ARHGAP23: variants seen among roughly 807,000 people sequenced by gnomAD.
The protein encoded by ARHGAP23 is Rho GTPase activating protein 23.
A neutral mutation model predicts 136.3 loss-of-function variants in ARHGAP23; 34 were observed. That is an observed-to-expected ratio of 0.25 (90% CI 0.19 to 0.33). The LOEUF (loss-of-function observed/expected upper bound fraction) is 0.33. ARHGAP23 is among the 10% of genes least tolerant of loss of function. ARHGAP23 has a pLI of 1.00. For missense variants in ARHGAP23, 1,808 were observed against 2,139.0 expected, an observed-to-expected ratio of 0.85 and a Z score of 3.05; for synonymous variants, 832 against 920.5, an observed-to-expected ratio of 0.90 and a Z score of 1.74.
intron 20 of ARHGAP23, among the ~76,000 whole-genome samples, chr17:38,492,691 C>T (rs980448514): frequency 2.6e-5 from 4 of 152,204 alleles, no homozygotes; most frequent in Non-Finnish European, 4.4e-5. Flanking sequence ...CATCTCCCTC[C>T]TTCACTGCAT....
At chr17:38,472,989 T>G (rs1187215633) in intron 11 of ARHGAP23, among the ~76,000 whole-genome samples, 1 of 152,150 alleles carries the variant, frequency 6.6e-6, no homozygotes, top group Non-Finnish European at 1.5e-5. Context: ...CAGGCTGGAG[T>G]GCAGTGGCGC....
chr17:38,509,583 T>C (rs930727081), intron 23 of ARHGAP23, among the ~76,000 whole-genome samples: 1 of 152,142 alleles, frequency 6.6e-6, no homozygotes, highest in Non-Finnish European at 1.5e-5. Context: ...CAGGGGCGTG[T>C]GTGAAACGGA....
intron 11 of ARHGAP23, among the ~76,000 whole-genome samples, chr17:38,473,787 C>T (rs1202510510): frequency 2.6e-5 from 4 of 152,038 alleles, no homozygotes; most frequent in East Asian, 3.9e-4. Flanking sequence ...AAGATGTCTC[C>T]TTAGAGGGTC....
At chr17:38,508,561 A>T (rs1225076311) in intron 23 of ARHGAP23, among the ~76,000 whole-genome samples, 1 of 152,102 alleles carries the variant, frequency 6.6e-6, no homozygotes, top group African/African-American at 2.4e-5. Flanking sequence ...CCTGCTTCAG[A>T]ATGGTGGCTC....
intron 1 of ARHGAP23, among the ~76,000 whole-genome samples, chr17:38,432,552 A>G (rs1388634260): frequency 2.6e-5 from 4 of 152,200 alleles, no homozygotes; most frequent in Admixed American, 2.6e-4. Flanking sequence ...AGTGACACAC[A>G]CCTGTAGTCC....
intron 3 of ARHGAP23, among the ~76,000 whole-genome samples, chr17:38,461,981 C>G (rs2039470178): frequency 6.6e-6 from 1 of 152,010 alleles, no homozygotes; most frequent in African/African-American, 2.4e-5. Context: ...GAGATGGAGT[C>G]TTGCTCTGTC....
At chr17:38,506,628 C>T (rs897210593) in intron 23 of ARHGAP23, among the ~76,000 whole-genome samples, 3 of 152,162 alleles carry the variant, frequency 2.0e-5, no homozygotes, top group Admixed American at 6.6e-5. Flanking sequence ...TGTGTCCTTA[C>T]AAGGCAAGGC....
chr17:38,428,772 A>G (rs1376177280), intron 1 of ARHGAP23, among the ~76,000 whole-genome samples: 1 of 152,068 alleles, frequency 6.6e-6, no homozygotes, highest in East Asian at 1.9e-4. Flanking sequence ...GGAAGCAGGC[A>G]AGGGGTCGGG....
In ARHGAP23 at chr17:38,463,336, C is replaced by T. The variant is rs1411574522; in HGVS notation, c.437C>T (p.Thr146Ile). 2 of 1,551,614 alleles carry T rather than the reference C, an allele frequency of 1.3e-6. No individual in the cohort carries two copies. Among genetic ancestry groups the T allele is most frequent in the African/African-American group, 1.4e-5 (1 of 73,040 alleles). The change falls in exon 6 of 24, where the codon ACT becomes ATT. Residue 146 changes from threonine to isoleucine, a missense_variant. Physicochemically the swap from Thr to Ile is moderately conservative, Grantham distance 89 (BLOSUM62 -1). This residue lies in a region of ARHGAP23 where 859 missense variants were observed against 936.4 expected (regional missense o/e 0.92). Coordinates refer to ENST00000622683, the MANE Select transcript of ARHGAP23 (RefSeq NM_001199417.2). ...VIALIQNSDD[T>I]LELSIMPKDE... is the part of the protein sequence containing the mutation. ...TCTGCCTGTCTCTGTAGTGATGACA[C>T]TCTGGAGCTGTCTATCATGCCCAAG...
At chr17:38,459,505 C>T (rs2039409212) in intron 2 of ARHGAP23, among the ~76,000 whole-genome samples, 1 of 152,136 alleles carries the variant, frequency 6.6e-6, no homozygotes, top group Non-Finnish European at 1.5e-5. Context: ...TGCCCAAGGA[C>T]ACCAGCCCCT....
At chr17:38,432,227 C>A (rs2038701104) in intron 1 of ARHGAP23, among the ~76,000 whole-genome samples, 1 of 152,204 alleles carries the variant, frequency 6.6e-6, no homozygotes, top group African/African-American at 2.4e-5. Flanking sequence ...TACCATCACC[C>A]CACTTGACAG....
chr17:38,471,583 G>T (rs762879400), intron 10 of ARHGAP23, among the ~76,000 whole-genome samples: 4 of 152,202 alleles, frequency 2.6e-5, no homozygotes, highest in African/African-American at 9.7e-5. Context: ...AGTCTATAAA[G>T]TTATGGGAGG....
chr17:38,423,553 A>G (rs1193956603), upstream of ARHGAP23, among the ~76,000 whole-genome samples: 1 of 151,952 alleles, frequency 6.6e-6, no homozygotes, highest in Non-Finnish European at 1.5e-5. Flanking sequence ...TTGTATTTTT[A>G]GTAGAGATGG....
At chr17:38,453,854 C>T (rs1330684011) in intron 1 of ARHGAP23, 1 of 144,580 alleles carries the variant, frequency 6.9e-6, no homozygotes, top group Non-Finnish European at 1.5e-5. Flanking sequence ...TCGAGGACGC[C>T]GTCTGCCGGG....
intron 1 of ARHGAP23, among the ~76,000 whole-genome samples, chr17:38,442,030 C>T (rs1053667807): frequency 1.3e-5 from 2 of 152,116 alleles, no homozygotes; most frequent in Non-Finnish European, 2.9e-5. Context: ...AACCATGGCT[C>T]ACTGCAGCCT....
rs546837301 is a variant in ARHGAP23, at chr17:38,493,466, A to G, written c.3276+1934A>G. ...CTCGGCCTCCCAAAGTGCTGGGATT[A>G]CAGGTGTGAGCCATCACGCCCAGCC... On this transcript the variant is annotated intron_variant, in intron 20 of 23. Coordinates refer to ENST00000622683, the MANE Select transcript of ARHGAP23 (RefSeq NM_001199417.2). 2.4e-4 allele frequency among the ~76,000 whole-genome samples: 37 copies of G among 152,262 alleles called. No individual in the cohort carries two copies. The Middle Eastern group carries it at 0.014, about 56-fold the overall frequency.
chr17:38,430,691 C>G (rs745642302), intron 1 of ARHGAP23, among the ~76,000 whole-genome samples: 8 of 152,204 alleles, frequency 5.3e-5, no homozygotes, highest in Admixed American at 3.3e-4. Context: ...CACAGCATCC[C>G]AGGCTAGCCA....
intron 1 of ARHGAP23, chr17:38,457,518 A>C (rs1189108131): frequency 6.3e-6 from 1 of 159,392 alleles, no homozygotes; most frequent in Non-Finnish European, 1.4e-5. Context: ...AACTCTGTGC[A>C]TATCTATGTG....
At chr17:38,458,401 G>T (rs1165988462) in intron 2 of ARHGAP23, 138 bp downstream of exon 2, 9 of 1,228,636 alleles carry the variant, frequency 7.3e-6, no homozygotes, top group Non-Finnish European at 9.8e-6. Context: ...ACTCCCTTCT[G>T]CTGTGGCCTG....
Sources: gnomAD v4.1 joint callset for allele counts (sites outside exome capture counted in the v4.1 genomes callset) on GRCh38, gnomAD v4.1.1 for gene constraint, gnomAD v4.1.1 regional missense constraint, MANE v1.5 for transcripts, NCBI Gene and HGNC (gene_info 2026-07-23, HGNC 2026-07-21) for gene names.